ADAM17: variants seen among roughly 807,000 people sequenced by gnomAD.
ADAM17 encodes the protein disintegrin and metalloproteinase domain-containing protein 17.
Under a neutral mutation model 96.7 loss-of-function variants are expected in ADAM17, and 39 were observed. That is an observed-to-expected ratio of 0.40 (90% CI 0.31 to 0.53). ADAM17 has a LOEUF of 0.53. Ranked by LOEUF, ADAM17 falls within the 20% of genes least tolerant of loss-of-function variation. The probability of loss-of-function intolerance (pLI) is 0.44; values close to 1 mark genes in which losing one functional copy is unlikely to be tolerated. For missense variants in ADAM17, 777 were observed against 1,013.2 expected (o/e 0.77, Z 3.17); for synonymous variants, 344 against 359.2 (o/e 0.96, Z 0.48).
At chr2:9,511,548 G>A (rs1451901358) in intron 10 of ADAM17, among the ~76,000 whole-genome samples, 1 of 152,022 alleles carries the variant, frequency 6.6e-6, no homozygotes, top group African/African-American at 2.4e-5. Flanking sequence ...ATGACCTAGA[G>A]GACTTGGTTT....
chr2:9,554,405 T>C (rs1248681616), intron 1 of ADAM17, among the ~76,000 whole-genome samples: 5 of 152,208 alleles, frequency 3.3e-5, no homozygotes, highest in Non-Finnish European at 7.3e-5. Flanking sequence ...TTGCCTTTCA[T>C]TAGTCACTTG....
At chr2:9,516,928 C>T (rs1292362870) in intron 10 of ADAM17, among the ~76,000 whole-genome samples, 4 of 152,146 alleles carry the variant, frequency 2.6e-5, no homozygotes, top group African/African-American at 7.2e-5. Flanking sequence ...AGGGCAGCCA[C>T]GGGACCCAGT....
rs1426800564 is a variant in ADAM17, at chr2:9,509,848, A to C, written c.1344+131T>G. On this transcript the variant is annotated intron_variant, in intron 11 of 18. Coordinates refer to ENST00000310823, the MANE Select transcript of ADAM17 (RefSeq NM_003183.6). ...CCCCAAAACACACAACCACGTTTCA[A>C]GGTACTTTGTAATTTGCACATCCAT... 11 of 1,183,530 alleles carry C rather than the reference A, an allele frequency of 9.3e-6. No homozygotes were observed. In the South Asian group the frequency reaches 1.5e-4, roughly 16 times the overall value. 73.3% of individuals were successfully genotyped at this position (1,183,530 alleles called of 1,614,324 possible). A position where few individuals can be genotyped will look rare whatever the true frequency, so the allele number is the denominator to read the frequency against.
intron 8 of ADAM17, among the ~76,000 whole-genome samples, chr2:9,519,563 C>A (rs1206086138): frequency 6.6e-6 from 1 of 152,116 alleles, no homozygotes; most frequent in Non-Finnish European, 1.5e-5. Flanking sequence ...TGCCACCCCA[C>A]AATTCAAATG....
intron 1 of ADAM17, 59 bp downstream of exon 1, chr2:9,555,450 C>G: frequency 7.0e-7 from 1 of 1,436,908 alleles, no homozygotes; most frequent in Non-Finnish European, 9.3e-7. Flanking sequence ...AGCTCCCCTG[C>G]TCTTCCCTCA....
At chr2:9,540,248 T>C (rs947883336) in intron 2 of ADAM17, among the ~76,000 whole-genome samples, 2 of 152,334 alleles carry the variant, frequency 1.3e-5, no homozygotes, top group Middle Eastern at 6.8e-3. Context: ...CTTGCTACTA[T>C]ATCCACTTCT....
intron 12 of ADAM17, among the ~76,000 whole-genome samples, chr2:9,503,324 C>T (rs866595707): frequency 3.3e-5 from 5 of 152,130 alleles, no homozygotes; most frequent in Non-Finnish European, 5.9e-5. Flanking sequence ...TACTTCTAAG[C>T]CAGGCACTGG....
Position 9,488,515 on chromosome 2 carries a change from A to G in ADAM17, c.*1662T>C, listed in dbSNP as rs1463512022. On this transcript the variant is annotated 3_prime_UTR_variant, in exon 19 of 19. Coordinates refer to ENST00000310823, the MANE Select transcript of ADAM17 (RefSeq NM_003183.6). ...GTTTCGACAGTATTTATTAATGCAG[A>G]TATCAGTGCTACAGCTATAAAATAT... 6.2e-6 allele frequency: 3 copies of G among 480,116 alleles called. No homozygotes were observed. Among genetic ancestry groups the G allele is most frequent in the East Asian group, 6.6e-5 (2 of 30,302 alleles). 29.7% of individuals were successfully genotyped at this position (480,116 alleles called of 1,614,324 possible).
rs1321625187 is a variant in ADAM17 at position 9,490,661 on chromosome 2, A to G, written c.2134-143T>C. ...AAAAGTGCTAGGTGAGGCTCACTCA[A>G]CCTAAGTGACTAAAAAATACTAGGT... On this transcript the variant is annotated intron_variant, in intron 18 of 18. Coordinates refer to ENST00000310823, the MANE Select transcript of ADAM17 (RefSeq NM_003183.6). The G allele has an allele frequency of 1.4e-5, 12 of 835,412 alleles. No individual in the cohort carries two copies. In the Admixed American group the frequency reaches 2.9e-4, roughly 20 times the overall value. 51.7% of individuals were successfully genotyped at this position (835,412 alleles called of 1,614,324 possible). A position where few individuals can be genotyped will look rare whatever the true frequency, so the allele number is the denominator to read the frequency against.
intron 10 of ADAM17, 76 bp downstream of exon 10, chr2:9,517,824 AT>A: frequency 2.1e-6 from 2 of 961,546 alleles, no homozygotes; most frequent in Non-Finnish European, 2.9e-6. Flanking sequence ...TTTTAAAAAA[AT>A]ACCTACATAA....
chr2:9,526,061 AC>A, intron 6 of ADAM17, 49 bp downstream of exon 6: 1 of 1,501,370 alleles, frequency 6.7e-7, no homozygotes. Flanking sequence ...CATGGAATGT[AC>A]CCACCCAAAT....
At chr2:9,501,977 G>A (rs1387636473) in intron 13 of ADAM17, among the ~76,000 whole-genome samples, 196 bp downstream of exon 13, 1 of 151,746 alleles carries the variant, frequency 6.6e-6, no homozygotes, top group South Asian at 2.1e-4. Flanking sequence ...GAGAGTGATG[G>A]AAATGAAAGA....
At chr2:9,499,450 G>A (rs1662865211) in intron 13 of ADAM17, among the ~76,000 whole-genome samples, 1 of 151,900 alleles carries the variant, frequency 6.6e-6, no homozygotes, top group Non-Finnish European at 1.5e-5. Flanking sequence ...TGCCCAGGCT[G>A]GAGTGCAGTG....
chr2:9,552,912 ATT>A (rs59649695), intron 1 of ADAM17, among the ~76,000 whole-genome samples: 9,646 of 152,228 alleles, frequency 0.063, 1,073 homozygotes, highest in African/African-American at 0.22. Context: ...CCTAATCGAT[ATT>A]GAGTACTGCA....
At position 9,517,912 on chromosome 2, in the gene ADAM17, T is replaced by C. The variant is rs1325350231; in HGVS notation, c.1180A>G (p.Ile394Val). 1.3e-6 allele frequency: 2 copies of C among 1,590,732 alleles called. No homozygotes were observed. Among genetic ancestry groups the C allele is most frequent in the East Asian group, 2.2e-5 (1 of 44,478 alleles). The stretch of plus-strand genomic sequence containing the variant: ...ATAAAAGAACATACCTTTGTAAGGA[T>C]GGTTTTACCATAATTCTTTGTGCTC... ...LTSTKNYGKTILTKEADLVTT... is the reference protein window; with the variant it reads ...LTSTKNYGKTVLTKEADLVTT... Residue 394 changes from isoleucine to valine, a missense_variant, in exon 10 of 19, where the codon ATC becomes GTC. Transcript: ENST00000310823.
At chr2:9,547,602 CG>C (rs1462004868) in intron 1 of ADAM17, among the ~76,000 whole-genome samples, 7 of 152,090 alleles carry the variant, frequency 4.6e-5, no homozygotes, top group Admixed American at 4.6e-4. Flanking sequence ...CACTTAAAGA[CG>C]TGAAAGCAAC....
At chr2:9,554,569 C>G (rs1005263477) in intron 1 of ADAM17, among the ~76,000 whole-genome samples, 1 of 152,132 alleles carries the variant, frequency 6.6e-6, no homozygotes, top group East Asian at 1.9e-4. Context: ...ATTTGGGAAC[C>G]AGTACAACCA....
At chr2:9,504,390 C>T (rs951950422) in intron 12 of ADAM17, among the ~76,000 whole-genome samples, 10 of 148,256 alleles carry the variant, frequency 6.7e-5, no homozygotes, top group African/African-American at 2.5e-4. Context: ...GATTGCAGTG[C>T]GCTGAGATCG....
chr2:9,520,565 C>T (rs1037592251), intron 8 of ADAM17, among the ~76,000 whole-genome samples: 1 of 152,134 alleles, frequency 6.6e-6, no homozygotes, highest in African/African-American at 2.4e-5. Context: ...GTGTGCAGAA[C>T]TAATGAAACA....
Sources: gnomAD v4.1 joint callset for allele counts (sites outside exome capture counted in the v4.1 genomes callset) on GRCh38, gnomAD v4.1.1 for gene constraint, MANE v1.5 for transcripts, NCBI Gene and HGNC (gene_info 2026-07-23, HGNC 2026-07-21) for gene names.